ACTN1: variants seen among roughly 807,000 people sequenced by gnomAD.
The protein encoded by ACTN1 is alpha-actinin-1.
A neutral mutation model predicts 119.6 loss-of-function variants in ACTN1; 30 were observed. That is an observed-to-expected ratio of 0.25 (90% CI 0.19 to 0.34). The LOEUF (loss-of-function observed/expected upper bound fraction) is 0.34, where lower values mean the gene tolerates loss of function less well. ACTN1 is among the 10% of genes least tolerant of loss of function. ACTN1 has a pLI of 1.00. For missense variants in ACTN1, 764 were observed against 1,223.4 expected, an observed-to-expected ratio of 0.62 and a Z score of 5.60; for synonymous variants, 429 against 472.6, an observed-to-expected ratio of 0.91 and a Z score of 1.20.
chr14:68,921,877 C>T (rs2034671049), intron 2 of ACTN1, among the ~76,000 whole-genome samples: 1 of 152,182 alleles, frequency 6.6e-6, no homozygotes, highest in Non-Finnish European at 1.5e-5. Flanking sequence ...CCCCCACCTC[C>T]AGATTCCACA....
chr14:68,888,210 A>G (rs776363300), intron 11 of ACTN1: 3 of 423,302 alleles, frequency 7.1e-6, no homozygotes, highest in Non-Finnish European at 1.3e-5. Flanking sequence ...GACAGTCTCA[A>G]GAAATGGAAT....
intron 1 of ACTN1, among the ~76,000 whole-genome samples, chr14:68,948,914 G>T (rs1160315481): frequency 6.6e-6 from 1 of 152,122 alleles, no homozygotes. Context: ...CTGCCAGGGG[G>T]TCAAAGCAGC....
intron 8 of ACTN1, among the ~76,000 whole-genome samples, chr14:68,897,013 T>C (rs1017888116): frequency 2.0e-5 from 3 of 152,214 alleles, no homozygotes; most frequent in Non-Finnish European, 4.4e-5. Context: ...GACAGAATCT[T>C]GCTCTGTCAC....
chr14:68,892,816 G>A (rs190108347), intron 9 of ACTN1, among the ~76,000 whole-genome samples: 63 of 152,124 alleles, frequency 4.1e-4, no homozygotes, highest in African/African-American at 1.5e-3. Context: ...CTTGGGCCAA[G>A]GTGATGGTGG....
At chr14:68,957,504 C>T (rs2036387573) in intron 1 of ACTN1, among the ~76,000 whole-genome samples, 1 of 152,240 alleles carries the variant, frequency 6.6e-6, no homozygotes, top group Non-Finnish European at 1.5e-5. Context: ...TTAAAGCCAT[C>T]CGGGAACTCT....
chr14:68,959,744 AG>A (rs2036464491), intron 1 of ACTN1, among the ~76,000 whole-genome samples: 1 of 152,186 alleles, frequency 6.6e-6, no homozygotes, highest in Non-Finnish European at 1.5e-5. Flanking sequence ...TGTTGGTCAA[AG>A]GGTACAAACC....
chr14:68,882,307 A>T lies in ACTN1; in HGVS notation c.1953+151T>A. ...GCAGGGCTTCTTCACATAGGCCCCC[A>T]TAGCCTTCTACAGAACAGCAGACCC... On this transcript the variant is annotated intron_variant, in intron 16 of 21. Coordinates refer to ENST00000394419, the MANE Select transcript of ACTN1 (RefSeq NM_001130004.2). This position sits in a 1 kb window ranked among gnomAD's most constrained non-coding sequence, Gnocchi z 4.5. The T allele has an allele frequency of 9.5e-7, 1 of 1,050,498 alleles. No homozygotes were observed. Among genetic ancestry groups the T allele is most frequent in the Non-Finnish European group, 1.4e-6 (1 of 732,756 alleles). The allele number at this position is 1,050,498 out of a possible 1,614,324, so 65.1% of individuals were successfully genotyped here.
Position 68,893,699 on chromosome 14 carries a change from C to T in ACTN1, c.811G>A (p.Glu271Lys). 1 of 1,614,186 alleles carries T rather than the reference C, an allele frequency of 6.2e-7. No homozygotes were observed. ...RICKVLAVNQENEQLMEDYEK... is the reference protein window; with the variant it reads ...RICKVLAVNQKNEQLMEDYEK... ...TAGTCTTCCATAAGCTGCTCGTTCT[C>T]CTGGTTGACGGCCAACACCTTGCAG... The change falls in exon 9 of 22, where the codon GAG becomes AAG. Residue 271 changes from glutamate (E) to lysine (K), a missense_variant. Physicochemically the swap from Glu to Lys is moderately conservative, Grantham distance 56. Transcript: ENST00000394419.
chr14:68,933,833 C>A (rs1377225045), intron 1 of ACTN1, among the ~76,000 whole-genome samples: 1 of 152,042 alleles, frequency 6.6e-6, no homozygotes, highest in Non-Finnish European at 1.5e-5. Context: ...AAAATTTAGC[C>A]AAGCATGGTG....
At position 68,978,903 on chromosome 14, in the gene ACTN1, G is replaced by T. The variant is rs765386066; in HGVS notation, c.105+49C>A. ...AGCCCGGCAGGCAGAGCGGGTCGGG[G>T]CTGGGGGCTGGGGGCTGGGGGCTGC... On this transcript the variant is annotated intron_variant, in intron 1 of 21. Transcript: ENST00000394419. 46 of 1,285,288 alleles carry T rather than the reference G, an allele frequency of 3.6e-5. No homozygotes were observed. In the South Asian group the frequency reaches 6.2e-4, roughly 17 times the overall value. The allele number at this position is 1,285,288 out of a possible 1,614,324, so 79.6% of individuals were successfully genotyped here.
chr14:68,952,479 T>A (rs1380604736), intron 1 of ACTN1, among the ~76,000 whole-genome samples: 5 of 152,350 alleles, frequency 3.3e-5, no homozygotes, highest in Middle Eastern at 3.4e-3. Context: ...GGATGTCACA[T>A]GCAGTTTTCT....
chr14:68,894,872 G>A (rs1477707768), intron 8 of ACTN1, among the ~76,000 whole-genome samples: 1 of 152,190 alleles, frequency 6.6e-6, no homozygotes, highest in East Asian at 1.9e-4. Context: ...GATGAACTGA[G>A]GCTGGTTGTA....
chr14:68,974,119 T>C (rs2036985847), intron 1 of ACTN1: 1 of 152,616 alleles, frequency 6.6e-6, no homozygotes, highest in South Asian at 2.1e-4. Flanking sequence ...AAACCACAGG[T>C]GGGTTACACA....
In ACTN1 at chr14:68,970,137, G is replaced by A. The variant is rs191485043; in HGVS notation, c.105+8815C>T. On this transcript the variant is annotated intron_variant, in intron 1 of 21. Transcript: ENST00000394419. ...GTGACCATGCTTTCAACAGCCCCACGATCACCCACCACCAAGAAACAGGAA... is the reference window on the plus strand; with the variant it reads ...GTGACCATGCTTTCAACAGCCCCACAATCACCCACCACCAAGAAACAGGAA... Among the ~76,000 whole-genome samples, 145 of 152,074 alleles carry A rather than the reference G, an allele frequency of 9.5e-4. 2 individuals carry two copies. The highest frequency in any genetic ancestry group is 3.4e-4 in the Non-Finnish European group (23 of 67,966).
chr14:68,909,323 G>C lies in ACTN1; in HGVS notation c.589C>G (p.Arg197Gly). The change falls in exon 6 of 22, where the codon CGG becomes GGG. Residue 197 changes from arginine to glycine, a missense_variant. Physicochemically the swap from Arg to Gly is moderately radical, Grantham distance 125 (BLOSUM62 -2). Around this residue, in one of 4 missense-constraint regions of ACTN1, gnomAD observed 544 missense variants for 912.0 expected, o/e 0.60. Coordinates refer to ENST00000394419, the MANE Select transcript of ACTN1 (RefSeq NM_001130004.2). This position sits in a 1 kb window ranked among gnomAD's most constrained non-coding sequence, Gnocchi z 4.1. The part of the protein sequence containing the change: ...RPELIDYGKL[R>G]KDDPLTNLNT... ...GGTCAGGTGGGCACACATACCTTCC[G>C]CAGCTTCCCGTAGTCAATCAGCTCG... 6.2e-7 allele frequency: 1 copy of C among 1,613,774 alleles called. No individual in the cohort carries two copies. The highest frequency in any genetic ancestry group is 8.5e-7 in the Non-Finnish European group (1 of 1,179,908).
chr14:68,949,663 C>A (rs2036064128), intron 1 of ACTN1, among the ~76,000 whole-genome samples: 1 of 152,230 alleles, frequency 6.6e-6, no homozygotes, highest in Non-Finnish European at 1.5e-5. Flanking sequence ...CCCACATTCA[C>A]AGCAGCACTG....
chr14:68,876,480 C>T (rs2030907128), intron 21 of ACTN1, among the ~76,000 whole-genome samples: 1 of 151,550 alleles, frequency 6.6e-6, no homozygotes, highest in Non-Finnish European at 1.5e-5. Context: ...CTGGAGATGG[C>T]TGTGGTTCTG....
intron 1 of ACTN1, among the ~76,000 whole-genome samples, chr14:68,936,351 T>C (rs1036268637): frequency 1.3e-5 from 2 of 152,274 alleles, no homozygotes; most frequent in South Asian, 2.1e-4. Flanking sequence ...CTAAAAGCTT[T>C]ATGCTAGAAC....
intron 2 of ACTN1, among the ~76,000 whole-genome samples, chr14:68,924,230 C>T (rs936251861): frequency 5.7e-4 from 87 of 152,186 alleles, no homozygotes; most frequent in African/African-American, 2.1e-3. Flanking sequence ...CCCTTAATAC[C>T]GCTGAACTGC....
Sources: allele counts gnomAD v4.1 joint callset (sites outside exome capture counted in the v4.1 genomes callset), GRCh38; gene constraint gnomAD v4.1.1; regional missense constraint gnomAD v4.1.1; non-coding constraint Gnocchi (gnomAD v3.1); transcripts MANE v1.5; gene names NCBI Gene and HGNC (gene_info 2026-07-23, HGNC 2026-07-21).